GALNTL6: variants seen among roughly 807,000 people sequenced by gnomAD.
The protein encoded by GALNTL6 is polypeptide N-acetylgalactosaminyltransferase like 6, also known as polypeptide N-acetylgalactosaminyltransferase-like 6.
Under a neutral mutation model 73.7 loss-of-function variants are expected in GALNTL6, and 46 were observed. The observed-to-expected ratio is 0.62, with a 90% CI of 0.49 to 0.80. The LOEUF (loss-of-function observed/expected upper bound fraction) is 0.80. GALNTL6 is among the 30% of genes least tolerant of loss of function. GALNTL6 has a pLI of 0.00. For missense variants in GALNTL6, 604 were observed against 755.0 expected, an observed-to-expected ratio of 0.80 and a Z score of 2.34; for synonymous variants, 259 against 263.7, an observed-to-expected ratio of 0.98 and a Z score of 0.17.
chr4:172,075,107 C>T (rs114976076), intron 2 of GALNTL6, among the ~76,000 whole-genome samples: 32 of 152,180 alleles, frequency 2.1e-4, no homozygotes, highest in Non-Finnish European at 4.1e-4. Flanking sequence ...ATTTTCTAAT[C>T]GCCATGTTAT....
In GALNTL6 at chr4:172,423,021, G is replaced by A. The variant is rs370214123; in HGVS notation, c.553+74332G>A. 6.6e-5 allele frequency among the ~76,000 whole-genome samples: 10 copies of A among 151,726 alleles called. No homozygotes were observed. In the East Asian group the frequency reaches 1.8e-3, roughly 27 times the overall value. The stretch of plus-strand genomic sequence containing the variant: ...TATAGATATTTCTATACCTATACCT[G>A]TAGAAATCTCTATACTTTGGTATTC... On this transcript the variant is annotated intron_variant, in intron 5 of 12. Transcript: ENST00000506823.
At chr4:172,031,409 G>T (rs532726379) in intron 2 of GALNTL6, among the ~76,000 whole-genome samples, 27 of 152,074 alleles carry the variant, frequency 1.8e-4, no homozygotes, top group Non-Finnish European at 3.1e-4. Flanking sequence ...AAACTTACAA[G>T]ACGTGCTCCT....
chr4:171,851,874 T>A (rs79209439), intron 2 of GALNTL6, among the ~76,000 whole-genome samples: 3,798 of 152,302 alleles, frequency 0.025, 149 homozygotes, highest in East Asian at 0.11. Context: ...CCCTTCAAAG[T>A]TAAAGATTTA....
At chr4:172,929,099 C>T (rs1748201022) in intron 8 of GALNTL6, among the ~76,000 whole-genome samples, 1 of 152,230 alleles carries the variant, frequency 6.6e-6, no homozygotes, top group Admixed American at 6.5e-5. Flanking sequence ...AGACTGTCCA[C>T]TGCCCTTACC....
At chr4:172,867,644 T>G (rs1377110266) in intron 7 of GALNTL6, among the ~76,000 whole-genome samples, 1 of 152,236 alleles carries the variant, frequency 6.6e-6, no homozygotes, top group Non-Finnish European at 1.5e-5. Flanking sequence ...CTCATGTTCT[T>G]CGCCACTAAG....
chr4:172,374,251 CATGACTAAGGCT>C (rs1233093120), intron 5 of GALNTL6, among the ~76,000 whole-genome samples: 2 of 152,206 alleles, frequency 1.3e-5, no homozygotes, highest in African/African-American at 4.8e-5. Context: ...GTCTGAGGGC[CATGACTAAGGCT>C]GCGGCCTTTC....
chr4:172,991,139 T>C (rs1278296906), intron 10 of GALNTL6, among the ~76,000 whole-genome samples: 1 of 152,110 alleles, frequency 6.6e-6, no homozygotes. Context: ...AAATGATAAC[T>C]CAAAAATTTT....
At chr4:171,847,187 TACAATAAAGTGAATATC>T (rs1363528831) in intron 2 of GALNTL6, among the ~76,000 whole-genome samples, 1 of 152,036 alleles carries the variant, frequency 6.6e-6, no homozygotes, top group African/African-American at 2.4e-5. Flanking sequence ...TCCAGAAGAC[TACAATAAAGTGAATATC>T]ACAATAAAGT....
intron 4 of GALNTL6, among the ~76,000 whole-genome samples, chr4:172,335,641 C>G (rs1445093004): frequency 6.6e-6 from 1 of 152,096 alleles, no homozygotes; most frequent in African/African-American, 2.4e-5. Flanking sequence ...TTGGTCCTTT[C>G]AGGATTTCAA....
intron 8 of GALNTL6, among the ~76,000 whole-genome samples, chr4:172,894,726 C>G (rs919373448): frequency 7.2e-5 from 11 of 152,022 alleles, no homozygotes; most frequent in African/African-American, 2.7e-4. Flanking sequence ...TATGATGTCT[C>G]TTTGATAATT....
chr4:172,726,275 CG>C (rs1735797944), intron 5 of GALNTL6, among the ~76,000 whole-genome samples: 1 of 152,150 alleles, frequency 6.6e-6, no homozygotes, highest in African/African-American at 2.4e-5. Context: ...GGCCAGGTTC[CG>C]AGGCCTAAAG....
intron 5 of GALNTL6, among the ~76,000 whole-genome samples, chr4:172,415,096 T>C (rs1359436024): frequency 6.6e-6 from 1 of 152,164 alleles, no homozygotes; most frequent in Non-Finnish European, 1.5e-5. Flanking sequence ...TTTCCAGACT[T>C]TTCCCCAAGA....
At chr4:171,838,898 G>A (rs578124669) in intron 2 of GALNTL6, among the ~76,000 whole-genome samples, 1 of 152,272 alleles carries the variant, frequency 6.6e-6, no homozygotes, top group African/African-American at 2.4e-5. Flanking sequence ...CTGCTGTGCA[G>A]GGCTGGAGCT....
At chr4:171,830,028 T>G (rs79223252) in intron 2 of GALNTL6, among the ~76,000 whole-genome samples, 2 of 151,772 alleles carry the variant, frequency 1.3e-5, no homozygotes, top group African/African-American at 2.4e-5. Flanking sequence ...AATATGTAGA[T>G]GAGATATGAA....
chr4:172,049,861 G>A (rs1730791732), intron 2 of GALNTL6, among the ~76,000 whole-genome samples: 1 of 152,086 alleles, frequency 6.6e-6, no homozygotes, highest in South Asian at 2.1e-4. Context: ...GCAGGTGCCT[G>A]TAATCCCAGC....
chr4:172,056,639 G>T (rs1472769), intron 2 of GALNTL6, among the ~76,000 whole-genome samples: 119,918 of 151,788 alleles, frequency 0.79, 47,920 homozygotes, highest in Non-Finnish European at 0.85. Context: ...TTTAAACCTA[G>T]GCTAATTCAT....
intron 5 of GALNTL6, among the ~76,000 whole-genome samples, chr4:172,595,911 C>A (rs972711652): frequency 6.6e-6 from 1 of 152,164 alleles, no homozygotes; most frequent in African/African-American, 2.4e-5. Flanking sequence ...AAGTATCCAA[C>A]TTTGTAAGTA....
chr4:172,711,602 A>G (rs1464785822), intron 5 of GALNTL6, among the ~76,000 whole-genome samples: 1 of 152,126 alleles, frequency 6.6e-6, no homozygotes, highest in East Asian at 1.9e-4. Context: ...CAACAAAATG[A>G]TAAGAGTTCT....
chr4:172,754,426 G>T (rs138008191), intron 5 of GALNTL6, among the ~76,000 whole-genome samples: 7 of 152,156 alleles, frequency 4.6e-5, no homozygotes, highest in African/African-American at 1.7e-4. Context: ...CAAAAAATTA[G>T]CCAGATGTGA....
Sources: allele counts gnomAD v4.1 joint callset (sites outside exome capture counted in the v4.1 genomes callset), GRCh38; gene constraint gnomAD v4.1.1; transcripts MANE v1.5; gene names NCBI Gene and HGNC (gene_info 2026-07-23, HGNC 2026-07-21).